Variants in NDUFA6 observed in about 807,000 individuals in gnomAD.
NDUFA6 encodes NADH:ubiquinone oxidoreductase subunit A6.
Under a neutral mutation model 12.5 loss-of-function variants are expected in NDUFA6, and 10 were observed. The observed-to-expected ratio is 0.80, with a 90% CI of 0.49 to 1.35. The LOEUF is 1.35. Ranked by LOEUF, NDUFA6 falls within the 40% of genes most tolerant of loss-of-function variation. The pLI is 0.00. For missense variants in NDUFA6, 177 were observed against 173.5 expected, an observed-to-expected ratio of 1.02 and a Z score of -0.11; for synonymous variants, 66 against 63.0, an observed-to-expected ratio of 1.05 and a Z score of -0.23.
chr22:42,087,756 C>T (rs988973162), intron 1 of NDUFA6, among the ~76,000 whole-genome samples: 6 of 140,642 alleles, frequency 4.3e-5, no homozygotes, highest in East Asian at 2.1e-4. Context: ...GAGCCGAGGT[C>T]GCACCACTGC....
rs757920518 is a variant in NDUFA6 at position 42,086,300 on chromosome 22, C to T, written c.270G>A (p.Leu90=). The change falls in exon 3 of 3, where the codon CTG becomes CTA. Residue 90 remains leucine (L), a synonymous_variant. Coordinates refer to ENST00000498737, the MANE Select transcript of NDUFA6 (RefSeq NM_002490.6). The part of the protein sequence containing the change: ...DLLVIKGKIE[L]EETIKVWKQR... ...GCTTCCATACTTTAATTGTTTCTTC[C>T]AGTTCGATCTTTCCCTGAACAGTGA... The T allele has an allele frequency of 6.2e-6, 10 of 1,614,170 alleles. No homozygotes were observed. Among genetic ancestry groups the T allele is most frequent in the Middle Eastern group, 1.6e-4 (1 of 6,062 alleles).
chr22:42,086,624 T>A (rs1214541786), intron 2 of NDUFA6, among the ~76,000 whole-genome samples: 1 of 152,228 alleles, frequency 6.6e-6, no homozygotes, highest in Non-Finnish European at 1.5e-5. Context: ...TATCATTTCT[T>A]CTGTTACTGA....
At chr22:42,086,877 G>C (rs1928280657) in intron 2 of NDUFA6, among the ~76,000 whole-genome samples, 183 bp downstream of exon 2, 1 of 152,176 alleles carries the variant, frequency 6.6e-6, no homozygotes, top group Non-Finnish European at 1.5e-5. Flanking sequence ...TTCCCTTGAT[G>C]AATCTTATCT....
chr22:42,086,357 T>G, intron 2 of NDUFA6, 43 bp from the exon 3 acceptor site: 1 of 1,612,908 alleles, frequency 6.2e-7, no homozygotes, highest in East Asian at 2.2e-5. Flanking sequence ...GTTGTCAAGT[T>G]GAAGGCATAT....
intron 1 of NDUFA6, 104 bp from the exon 2 acceptor site, chr22:42,087,279 A>C (rs908833866): frequency 2.8e-5 from 25 of 901,006 alleles, no homozygotes; most frequent in Middle Eastern, 2.1e-4. Context: ...TCATTTCTTC[A>C]CCAAAAAATT....
chr22:42,086,158 A>G lies in NDUFA6; in HGVS notation c.*25T>C, dbSNP rs1209672250. 1 of 1,614,208 alleles carries G rather than the reference A, an allele frequency of 6.2e-7. No homozygotes were observed. Among genetic ancestry groups the G allele is most frequent in the Admixed American group, 1.7e-5 (1 of 60,024 alleles). ...TTATTTGTGCTCTAAAATAGTATCAACGTGCATCTTTCCACTGAATGACTT... is the reference window on the plus strand; with the variant it reads ...TTATTTGTGCTCTAAAATAGTATCAGCGTGCATCTTTCCACTGAATGACTT... On this transcript the variant is annotated 3_prime_UTR_variant, in exon 3 of 3. Transcript: ENST00000498737.
intron 1 of NDUFA6, among the ~76,000 whole-genome samples, chr22:42,089,436 T>TG (rs1451971157): frequency 6.6e-6 from 1 of 151,934 alleles, no homozygotes; most frequent in Non-Finnish European, 1.5e-5. Context: ...AACCAGCAGA[T>TG]CACTCAAGTT....
chr22:42,088,130 G>A (rs1928383118), intron 1 of NDUFA6, among the ~76,000 whole-genome samples: 1 of 147,020 alleles, frequency 6.8e-6, no homozygotes, highest in Admixed American at 6.7e-5. Flanking sequence ...AAAAAAGGCT[G>A]GGCGCGGTGG....
chr22:42,090,510 T>C, intron 1 of NDUFA6, 96 bp downstream of exon 1: 22 of 1,440,214 alleles, frequency 1.5e-5, no homozygotes, highest in East Asian at 4.5e-5. Flanking sequence ...CTGCCCAAGT[T>C]GGTGACCTCA....
intron 1 of NDUFA6, among the ~76,000 whole-genome samples, chr22:42,088,401 G>A (rs943864567): frequency 2.7e-5 from 4 of 150,366 alleles, no homozygotes; most frequent in Admixed American, 6.7e-5. Flanking sequence ...GCGACAGAGC[G>A]AGACTCCGTC....
chr22:42,090,663 C>T lies in NDUFA6; in HGVS notation c.82G>A (p.Ala28Thr), dbSNP rs538730255. The T allele has an allele frequency of 1.2e-5, 20 of 1,614,190 alleles. 1 individual carries two copies. The African/African-American group carries it at 1.5e-4, about 12-fold the overall frequency. Residue 28 changes from alanine to threonine, a missense_variant, in exon 1 of 3, where the codon GCC becomes ACC. Around this residue, in one of 3 missense-constraint regions of NDUFA6, gnomAD observed 111 missense variants for 87.2 expected, o/e 1.27. Transcript: ENST00000498737. ...TAGAGCTCGCGCACCCTCCGCTTGGCCTCGTTCATGTCCCGACTGAAAATG... is the reference window on the plus strand; with the variant it reads ...TAGAGCTCGCGCACCCTCCGCTTGGTCTCGTTCATGTCCCGACTGAAAATG... ...KPIFSRDMNE[A>T]KRRVRELYRA...
Position 42,085,837 on chromosome 22 carries a change from C to T in NDUFA6, c.*346G>A. The T allele has an allele frequency of 2.6e-6, 1 of 388,908 alleles. No homozygotes were observed. Among genetic ancestry groups the T allele is most frequent in the Non-Finnish European group, 4.8e-6 (1 of 206,464 alleles). The allele number at this position is 388,908 out of a possible 1,614,324, so 24.1% of individuals were successfully genotyped here. A position where few individuals can be genotyped will look rare whatever the true frequency, so the allele number is the denominator to read the frequency against. On this transcript the variant is annotated 3_prime_UTR_variant, in exon 3 of 3. Coordinates refer to ENST00000498737, the MANE Select transcript of NDUFA6 (RefSeq NM_002490.6). Reference sequence around the variant, plus strand: ...TGGCTAATTTTAGATAATCTGTGCCCTGACACTGAAGTGTCTAATCATAGG... The same window carrying T: ...TGGCTAATTTTAGATAATCTGTGCCTTGACACTGAAGTGTCTAATCATAGG...
chr22:42,089,399 T>C (rs577757330), intron 1 of NDUFA6, among the ~76,000 whole-genome samples: 1 of 151,182 alleles, frequency 6.6e-6, no homozygotes, highest in African/African-American at 2.5e-5. Context: ...TGCCTGCCCC[T>C]GAAGGCATCT....
chr22:42,088,235 G>A (rs1378860337), intron 1 of NDUFA6, among the ~76,000 whole-genome samples: 5 of 144,646 alleles, frequency 3.5e-5, no homozygotes, highest in Non-Finnish European at 6.0e-5. Context: ...GTGAAACCCC[G>A]TCTCTACTAA....
chr22:42,090,291 CCTCT>C (rs1180684025), intron 1 of NDUFA6, among the ~76,000 whole-genome samples: 25 of 152,348 alleles, frequency 1.6e-4, no homozygotes, highest in African/African-American at 5.8e-4. Flanking sequence ...CATCACTTCA[CCTCT>C]CGGTGCCTCC....
intron 1 of NDUFA6, among the ~76,000 whole-genome samples, chr22:42,088,590 G>A (rs965476551): frequency 4.0e-5 from 6 of 151,788 alleles, no homozygotes; most frequent in South Asian, 2.1e-4. Context: ...GTGGTGGCAC[G>A]CAACTATAAT....
chr22:42,090,526 G>T, intron 1 of NDUFA6, 80 bp downstream of exon 1: 1 of 1,534,322 alleles, frequency 6.5e-7, no homozygotes, highest in Non-Finnish European at 9.0e-7. Flanking sequence ...CCTCAGCTGG[G>T]CCCATGAGAA....
intron 1 of NDUFA6, 113 bp from the exon 2 acceptor site, chr22:42,087,288 T>C: frequency 1.2e-6 from 1 of 816,142 alleles, no homozygotes; most frequent in South Asian, 1.4e-5. Flanking sequence ...CACCAAAAAA[T>C]TAGCCTGACC....
intron 2 of NDUFA6, 66 bp downstream of exon 2, chr22:42,086,994 T>C: frequency 1.8e-6 from 2 of 1,116,752 alleles, no homozygotes; most frequent in Non-Finnish European, 2.8e-6. Flanking sequence ...AATGTTCATT[T>C]GGAAAGACTA....
Sources: gnomAD v4.1 joint callset for allele counts (sites outside exome capture counted in the v4.1 genomes callset) on GRCh38, gnomAD v4.1.1 for gene constraint, gnomAD v4.1.1 regional missense constraint, MANE v1.5 for transcripts, NCBI Gene and HGNC (gene_info 2026-07-23, HGNC 2026-07-21) for gene names.